The following CEP152 variants were observed in gnomAD, a reference collection of about 807,000 sequenced individuals.
CEP152 encodes centrosomal protein of 152 kDa.
A neutral mutation model predicts 188.9 loss-of-function variants in CEP152; 132 were observed. The ratio of observed to expected loss-of-function variants is 0.70; its 90% CI spans 0.61 to 0.81. The LOEUF (loss-of-function observed/expected upper bound fraction) is 0.81. Ranked by LOEUF, CEP152 falls within the 30% of genes least tolerant of loss-of-function variation. The probability of loss-of-function intolerance (pLI) is 0.00; values close to 1 mark genes in which losing one functional copy is unlikely to be tolerated. For missense variants in CEP152, 1,914 were observed against 1,969.8 expected, an observed-to-expected ratio of 0.97 and a Z score of 0.54; for synonymous variants, 649 against 666.6, an observed-to-expected ratio of 0.97 and a Z score of 0.41.
Position 48,769,043 on chromosome 15 carries a change from T to C in CEP152, c.1821A>G (p.Leu607=), listed in dbSNP as rs778789379. The C allele has an allele frequency of 1.2e-6, 2 of 1,605,402 alleles. No individual in the cohort carries two copies. The highest frequency in any genetic ancestry group is 1.3e-5 in the African/African-American group (1 of 74,754). ...CATCAGAAGTAGAAGACTCAGGCCA[T>C]AATTGATTCTTTGGTTTTTCTGAGG... ...TDTSEKPKNQ[L]WPESSTSDVV... The change falls in exon 14 of 27, where the codon TTA becomes TTG. Residue 607 remains leucine, a synonymous_variant. Coordinates refer to ENST00000380950, the MANE Select transcript of CEP152 (RefSeq NM_001194998.2).
Position 48,741,984 on chromosome 15 carries a change from A to C in CEP152, c.3952T>G (p.Cys1318Gly). 1 of 1,614,220 alleles carries C rather than the reference A, an allele frequency of 6.2e-7. No individual in the cohort carries two copies. Among genetic ancestry groups the C allele is most frequent in the South Asian group, 1.1e-5 (1 of 91,088 alleles). The change falls in exon 25 of 27, where the codon TGC becomes GGC. Residue 1318 changes from cysteine (C) to glycine (G), a missense_variant. Cys to Gly is a radical substitution (Grantham distance 159). Transcript: ENST00000380950. Reference protein sequence around the residue: ...ARKMRKYYLICLQQILQDDGK... With the variant: ...ARKMRKYYLIGLQQILQDDGK... ...TCATCCTGCAAAATCTGTTGGAGGC[A>C]AATCAAATAATATTTGCGCATCTTT... is the stretch of plus-strand genomic sequence containing the variant.
At chr15:48,732,589 T>C (rs577369665) in intron 2 of CEP152, among the ~76,000 whole-genome samples, 3 of 150,054 alleles carry the variant, frequency 2.0e-5, no homozygotes, top group Admixed American at 1.3e-4. Flanking sequence ...GATGGGTCAA[T>C]AGGTGCAGCA....
chr15:48,767,048 C>T lies in CEP152; in HGVS notation c.2280+12G>A. ...TGAAAGGATGTCGATACAACATAAACTTGTACTGTACCTTCTCCTGAGTCT... is the reference window on the plus strand; with the variant it reads ...TGAAAGGATGTCGATACAACATAAATTTGTACTGTACCTTCTCCTGAGTCT... On this transcript the variant is annotated intron_variant, in intron 17 of 26. Coordinates refer to ENST00000380950, the MANE Select transcript of CEP152 (RefSeq NM_001194998.2). 4 of 1,612,064 alleles carry T rather than the reference C, an allele frequency of 2.5e-6. No individual in the cohort carries two copies. Among genetic ancestry groups the T allele is most frequent in the Non-Finnish European group, 3.4e-6 (4 of 1,179,974 alleles).
intron 17 of CEP152, among the ~76,000 whole-genome samples, chr15:48,764,559 A>G (rs752850324): frequency 8.5e-5 from 13 of 152,236 alleles, no homozygotes; most frequent in Non-Finnish European, 1.6e-4. Flanking sequence ...CTTAATGTGC[A>G]TAGAAATGGC....
Position 48,797,428 on chromosome 15 carries a change from C to T in CEP152, c.413G>A (p.Cys138Tyr). 6.2e-7 allele frequency: 1 copy of T among 1,614,176 alleles called. No individual in the cohort carries two copies. Among genetic ancestry groups the T allele is most frequent in the Non-Finnish European group, 8.5e-7 (1 of 1,180,014 alleles). ...AAGGTGATATAAATCAGTCTGTTCA[C>T]ATTTACTTGGAGGACTATAACCACT... ...GGSGYSPPSK[C>Y]EQTDLYHLPE... Residue 138 changes from cysteine to tyrosine, a missense_variant, in exon 5 of 27, where the codon TGT (cysteine) becomes TAT (tyrosine). Cys to Tyr is a radical substitution (Grantham distance 194, BLOSUM62 -2). Coordinates refer to ENST00000380950, the MANE Select transcript of CEP152 (RefSeq NM_001194998.2).
At position 48,762,457 on chromosome 15, in the gene CEP152, G is replaced by A. The variant is rs745603501; in HGVS notation, c.2496C>T (p.Ile832=). The change falls in exon 18 of 27, where the codon ATC becomes ATT. Residue 832 remains isoleucine (I), a synonymous_variant. Transcript: ENST00000380950. ...QNLEQEKDIA[I]KGAMKKLEIE... ...TTTCGAGTTTCTTCATAGCCCCCTT[G>A]ATGGCTATGTCCTTCTCTTGTTCTA... 17 of 1,614,006 alleles carry A rather than the reference G, an allele frequency of 1.1e-5. No homozygotes were observed. Among genetic ancestry groups the A allele is most frequent in the Non-Finnish European group, 1.2e-5 (14 of 1,179,978 alleles).
chr15:48,792,280 G>A (rs1161929650), intron 7 of CEP152, among the ~76,000 whole-genome samples: 2 of 152,124 alleles, frequency 1.3e-5, no homozygotes, highest in African/African-American at 2.4e-5. Flanking sequence ...GTGAGCCACC[G>A]TGCCCGACCC....
At chr15:48,749,293 GATAA>G (rs1197698698) in intron 21 of CEP152, among the ~76,000 whole-genome samples, 1 of 151,998 alleles carries the variant, frequency 6.6e-6, no homozygotes, top group Non-Finnish European at 1.5e-5. Flanking sequence ...TGCCAACTGG[GATAA>G]ATAGAGGGAG....
Position 48,787,163 on chromosome 15 carries a change from G to GTTT in CEP152, c.1173+1635_1173+1637dup, listed in dbSNP as rs747436177. 5.9e-5 allele frequency among the ~76,000 whole-genome samples: 6 copies of GTTT among 101,522 alleles called. 1 individual carries two copies. The highest frequency in any genetic ancestry group is 7.1e-4 in the South Asian group (2 of 2,836). 66.6% of individuals were successfully genotyped at this position (101,522 alleles called of 152,430 possible). ...TTTTCAATAATTTGGTATAGCCTTC[G>GTTT]TTTTTTTTTTTTTTTTTTTCTGGAA... On this transcript the variant is annotated intron_variant, in intron 9 of 26. Coordinates refer to ENST00000380950, the MANE Select transcript of CEP152 (RefSeq NM_001194998.2).
intron 5 of CEP152, 129 bp from the exon 6 acceptor site, chr15:48,796,289 T>TATAC (rs1421069960): frequency 5.5e-5 from 30 of 549,026 alleles, no homozygotes; most frequent in African/African-American, 1.3e-4. Flanking sequence ...TTTATATATA[T>TATAC]ACACACACAC....
intron 24 of CEP152, among the ~76,000 whole-genome samples, chr15:48,742,450 T>C (rs1437403533): frequency 6.6e-6 from 1 of 152,056 alleles, no homozygotes; most frequent in South Asian, 2.1e-4. Flanking sequence ...TATGTCCAGT[T>C]AGGAAAAGAG....
At position 48,798,044 on chromosome 15, in the gene CEP152, T is replaced by G; in HGVS notation, c.95A>C (p.Gln32Pro). ...GTCATGGGGAAGGTCTGTGAGTAAC[T>G]GCTGCAACTGAGTCAAAAGGTCTGC... The part of the protein sequence containing the change: ...EDYEREKELQ[Q>P]LLTDLPHDML... The change falls in exon 3 of 27, where the codon CAG (glutamine) becomes CCG (proline). Residue 32 changes from glutamine to proline, a missense_variant. By Grantham distance (76) the Gln-to-Pro change is moderately conservative. Transcript: ENST00000380950. 1 of 1,613,618 alleles carries G rather than the reference T, an allele frequency of 6.2e-7. No individual in the cohort carries two copies. Among genetic ancestry groups the G allele is most frequent in the Non-Finnish European group, 8.5e-7 (1 of 1,179,624 alleles).
At position 48,732,617 on chromosome 15, in the gene CEP152, T is replaced by G. The variant is rs541538901; in HGVS notation, c.142+9014A>C. On this transcript the variant is annotated intron_variant and NMD_transcript_variant, in intron 2 of 3. Transcript: ENST00000561245. Reference sequence around the variant, plus strand: ...GTGCAGCAAACCACCATGGCACACATATACCTAGGTAACAAATCTGCATGT... The same window carrying G: ...GTGCAGCAAACCACCATGGCACACAGATACCTAGGTAACAAATCTGCATGT... Among the ~76,000 whole-genome samples, 18 of 149,658 alleles carry G rather than the reference T, an allele frequency of 1.2e-4. 1 individual carries two copies. The East Asian group carries it at 3.5e-3, about 29-fold the overall frequency.
chr15:48,764,207 C>A (rs1022051795), intron 17 of CEP152, among the ~76,000 whole-genome samples: 1 of 152,210 alleles, frequency 6.6e-6, no homozygotes, highest in Non-Finnish European at 1.5e-5. Context: ...TTTTAATCCA[C>A]ACCTCTTGCT....
intron 26 of CEP152, 76 bp downstream of exon 26, chr15:48,741,525 C>T: frequency 6.2e-7 from 1 of 1,611,114 alleles, no homozygotes. Context: ...CCTTCCCTGC[C>T]TTCTTCATAC....
downstream of CEP152, among the ~76,000 whole-genome samples, chr15:48,734,612 C>T (rs986872282): frequency 4.1e-5 from 6 of 147,558 alleles, no homozygotes; most frequent in Non-Finnish European, 4.5e-5. Flanking sequence ...CAACATCCAG[C>T]ACTATACTGT....
downstream of CEP152, among the ~76,000 whole-genome samples, chr15:48,733,569 C>A: frequency 6.6e-6 from 1 of 151,966 alleles, no homozygotes; most frequent in East Asian, 1.9e-4. Flanking sequence ...ATGAAAGCCC[C>A]AGAAAGAGGA....
chr15:48,754,477 A>C (rs1894114131), intron 20 of CEP152, among the ~76,000 whole-genome samples: 1 of 152,206 alleles, frequency 6.6e-6, no homozygotes, highest in Admixed American at 6.5e-5. Context: ...CAAATCTGCT[A>C]TAATTTTTTA....
chr15:48,748,413 A>G, intron 22 of CEP152, 30 bp downstream of exon 22: 3 of 1,498,790 alleles, frequency 2.0e-6, no homozygotes, highest in Non-Finnish European at 1.8e-6. Flanking sequence ...AGAAATTCAT[A>G]TTGGTAGCAG....
Sources: allele counts gnomAD v4.1 joint callset (sites outside exome capture counted in the v4.1 genomes callset), GRCh38; gene constraint gnomAD v4.1.1; transcripts MANE v1.5; gene names NCBI Gene and HGNC (gene_info 2026-07-23, HGNC 2026-07-21).